The following SLC9C2 variants were observed in gnomAD, a reference collection of about 807,000 sequenced individuals.
The protein encoded by SLC9C2 is solute carrier family 9 member C2 (putative).
In SLC9C2, 75 loss-of-function variants were observed where a neutral mutation model predicts 140.2. The observed-to-expected ratio is 0.53, with a 90% CI of 0.44 to 0.65. The LOEUF is 0.65. Ranked by LOEUF, SLC9C2 falls within the 30% of genes least tolerant of loss-of-function variation. The pLI, the probability that SLC9C2 is intolerant of heterozygous loss-of-function variation, is 0.00. For missense variants in SLC9C2, 1,074 were observed against 1,331.8 expected (o/e 0.81, Z 3.01); for synonymous variants, 375 against 420.9 (o/e 0.89, Z 1.34).
chr1:173,504,477 C>T lies in SLC9C2; in HGVS notation c.3310+770G>A, dbSNP rs569988697. Reference sequence around the variant, plus strand: ...CACAATTTGAAATCGTGCAAATCCTCCCCCCAAAGCAACAATCCATTAAGA... The same window carrying T: ...CACAATTTGAAATCGTGCAAATCCTTCCCCCAAAGCAACAATCCATTAAGA... On this transcript the variant is annotated intron_variant, in intron 26 of 27. Transcript: ENST00000367714. 2.1e-4 allele frequency among the ~76,000 whole-genome samples: 32 copies of T among 152,246 alleles called. No homozygotes were observed. In the South Asian group the frequency reaches 6.4e-3, roughly 31 times the overall value.
At chr1:173,501,551 C>T (rs1474223079) in intron 27 of SLC9C2, among the ~76,000 whole-genome samples, 1 of 130,548 alleles carries the variant, frequency 7.7e-6, no homozygotes, top group Admixed American at 8.8e-5. Context: ...CACTCTGTTG[C>T]CCAGGCTGGA....
At chr1:173,524,698 T>A in intron 20 of SLC9C2, 81 bp downstream of exon 20, 1 of 1,493,950 alleles carries the variant, frequency 6.7e-7, no homozygotes, top group South Asian at 1.3e-5. Flanking sequence ...AAACAATTTT[T>A]TCAATCTCCC....
Position 173,506,886 on chromosome 1 carries a change from T to A in SLC9C2, c.3195A>T (p.Ala1065=), listed in dbSNP as rs1553245244. The A allele has an allele frequency of 2.5e-6, 4 of 1,613,734 alleles. No individual in the cohort carries two copies. The highest frequency in any genetic ancestry group is 3.4e-6 in the Non-Finnish European group (4 of 1,179,880). The change falls in exon 25 of 28, where the codon GCA becomes GCT. Residue 1065 remains alanine (A), a synonymous_variant. Coordinates refer to ENST00000367714, the MANE Select transcript of SLC9C2 (RefSeq NM_178527.4). ...CACAGGTTGTAGGTATAATGCAAGG[T>A]GCAAAATATGGTTCCTCTGTCTTAG... ...IDTKTEEPYF[A]PCIIPTTCEQ...
At chr1:173,502,479 C>T (rs553636845) in intron 27 of SLC9C2, among the ~76,000 whole-genome samples, 11 of 152,154 alleles carry the variant, frequency 7.2e-5, no homozygotes, top group African/African-American at 1.9e-4. Flanking sequence ...AACAGGAGCC[C>T]TAATAGAGAC....
chr1:173,576,768 GA>G lies in SLC9C2; in HGVS notation c.803-9del, dbSNP rs758953683. 5.2e-4 allele frequency: 707 copies of G among 1,370,752 alleles called. No homozygotes were observed. Among genetic ancestry groups the G allele is most frequent in the Admixed American group, 9.2e-4 (43 of 46,942 alleles). The allele number at this position is 1,370,752 out of a possible 1,614,324, so 84.9% of individuals were successfully genotyped here. On this transcript the variant is annotated splice_polypyrimidine_tract_variant and intron_variant, in intron 7 of 27. Transcript: ENST00000367714. The stretch of plus-strand genomic sequence containing the variant: ...ACATTCCTAAAAATTCCACTGGGGA[GA>G]AAAAAAAAACAAATGAATCAAATGC...
At chr1:173,563,558 T>G (rs1664257526) in intron 9 of SLC9C2, among the ~76,000 whole-genome samples, 1 of 152,128 alleles carries the variant, frequency 6.6e-6, no homozygotes, top group Admixed American at 6.5e-5. Flanking sequence ...ATTAAAAATG[T>G]TTTAATTTTT....
At chr1:173,546,133 G>A (rs555798925) in intron 13 of SLC9C2, among the ~76,000 whole-genome samples, 70 of 152,144 alleles carry the variant, frequency 4.6e-4, no homozygotes, top group Non-Finnish European at 5.7e-4. Context: ...AGAATTTGTG[G>A]CCATACGTAA....
intron 13 of SLC9C2, among the ~76,000 whole-genome samples, chr1:173,540,701 T>C (rs574913342): frequency 1.1e-4 from 16 of 152,296 alleles, no homozygotes; most frequent in African/African-American, 3.6e-4. Flanking sequence ...TCCAGGAACA[T>C]TAAAAGTACT....
Position 173,602,864 on chromosome 1 carries a change from C to T in SLC9C2, c.-193G>A, listed in dbSNP as rs1571657337. 6.6e-6 allele frequency: 1 copy of T among 152,190 alleles called. No individual in the cohort carries two copies. Among genetic ancestry groups the T allele is most frequent in the Non-Finnish European group, 1.5e-5 (1 of 68,046 alleles). 9.4% of individuals were successfully genotyped at this position (152,190 alleles called of 1,614,324 possible). ...TCTTCAAATCACTTCACCTGTCCCT[C>T]CAGTAGCCCTTCAGGTCCTTGGCAT... On this transcript the variant is annotated 5_prime_UTR_variant, in exon 1 of 28. Coordinates refer to ENST00000367714, the MANE Select transcript of SLC9C2 (RefSeq NM_178527.4).
chr1:173,532,850 C>T (rs895777769), intron 17 of SLC9C2, among the ~76,000 whole-genome samples: 26 of 152,162 alleles, frequency 1.7e-4, no homozygotes, highest in Admixed American at 7.9e-4. Flanking sequence ...AGCTTTAGAC[C>T]AGCCTGGACA....
chr1:173,533,407 T>C (rs1489581859), intron 17 of SLC9C2, among the ~76,000 whole-genome samples: 1 of 152,088 alleles, frequency 6.6e-6, no homozygotes, highest in Non-Finnish European at 1.5e-5. Flanking sequence ...GCCTCCCAAG[T>C]AGCTGGGACC....
chr1:173,584,131 T>C lies in SLC9C2; in HGVS notation c.524-509A>G, dbSNP rs569513692. Among the ~76,000 whole-genome samples, 3 of 152,270 alleles carry C rather than the reference T, an allele frequency of 2.0e-5. No individual in the cohort carries two copies. In the East Asian group the frequency reaches 5.8e-4, roughly 29 times the overall value. The stretch of plus-strand genomic sequence containing the variant: ...CTATCAGCTGATAAATGAATAAATA[T>C]ATGTGATATATCCCTAAAATGAAGT... On this transcript the variant is annotated intron_variant, in intron 5 of 27. Transcript: ENST00000367714.
rs1661079798 is a variant in SLC9C2, at chr1:173,524,790, CA to C, written c.2502del (p.Ile834MetfsTer3). 1 of 1,613,702 alleles carries C rather than the reference CA, an allele frequency of 6.2e-7. No homozygotes were observed. Among genetic ancestry groups the C allele is most frequent in the South Asian group, 1.1e-5 (1 of 91,028 alleles). On this transcript the variant is annotated frameshift_variant, in exon 20 of 28. Coordinates refer to ENST00000367714, the MANE Select transcript of SLC9C2 (RefSeq NM_178527.4). LOFTEE classifies it high-confidence loss of function. Reference protein sequence around the residue: ...SRGIIDKHEVIEINKVLLKKL... With the variant: ...SRGIIDKHEVXEINKVLLKKL... ...TCAAGCAAAATTACCTTATTTATCT[CA>C]ATGACTTCATGCTTATCAATAATGC...
chr1:173,601,552 G>C, intron 2 of SLC9C2, 98 bp downstream of exon 2: 1 of 1,350,028 alleles, frequency 7.4e-7, no homozygotes, highest in Non-Finnish European at 1.0e-6. Context: ...CGTTTCAATG[G>C]GCCCCTTCTT....
intron 2 of SLC9C2, 86 bp downstream of exon 2, chr1:173,601,564 T>G: frequency 6.8e-7 from 1 of 1,463,278 alleles, no homozygotes; most frequent in Non-Finnish European, 9.2e-7. Flanking sequence ...CCCCTTCTTT[T>G]GATGTTATGT....
intron 22 of SLC9C2, 144 bp downstream of exon 22, chr1:173,521,157 C>T (rs539451936): frequency 1.6e-5 from 7 of 435,096 alleles, no homozygotes; most frequent in African/African-American, 1.4e-4. Flanking sequence ...ATTCACCTCT[C>T]AGCTGTCATG....
In SLC9C2 at chr1:173,587,904, A is replaced by C. The variant is rs1054741139; in HGVS notation, c.358-74T>G. The C allele has an allele frequency of 1.3e-5, 15 of 1,179,058 alleles. No homozygotes were observed. The South Asian group carries it at 2.3e-4, about 18-fold the overall frequency. The allele number at this position is 1,179,058 out of a possible 1,614,324, so 73.0% of individuals were successfully genotyped here. A position where few individuals can be genotyped will look rare whatever the true frequency, so the allele number is the denominator to read the frequency against. ...CATGATGGCATTTACTTATATCCTA[A>C]GAGTCAGATCTTGGTTGTAAATGTT... On this transcript the variant is annotated intron_variant, in intron 4 of 27. Coordinates refer to ENST00000367714, the MANE Select transcript of SLC9C2 (RefSeq NM_178527.4).
chr1:173,578,181 T>A (rs1037240082), intron 7 of SLC9C2, among the ~76,000 whole-genome samples: 1 of 152,048 alleles, frequency 6.6e-6, no homozygotes, highest in Non-Finnish European at 1.5e-5. Flanking sequence ...GATGGAGGAG[T>A]CCCTCTTGGA....
At chr1:173,543,058 G>A (rs899605667) in intron 13 of SLC9C2, among the ~76,000 whole-genome samples, 8 of 152,194 alleles carry the variant, frequency 5.3e-5, no homozygotes, top group African/African-American at 1.9e-4. Flanking sequence ...AGGAAAAGAG[G>A]AAGTCAAATT....
Sources: allele counts gnomAD v4.1 joint callset (sites outside exome capture counted in the v4.1 genomes callset), GRCh38; gene constraint gnomAD v4.1.1; transcripts MANE v1.5; gene names NCBI Gene and HGNC (gene_info 2026-07-23, HGNC 2026-07-21).